Variants in MCC observed in about 807,000 individuals in gnomAD.
MCC encodes the protein MCC regulator of Wnt signaling pathway, also known as colorectal mutant cancer protein.
Under a neutral mutation model 116.2 loss-of-function variants are expected in MCC, and 90 were observed. The ratio of observed to expected loss-of-function variants is 0.77; its 90% CI spans 0.65 to 0.92. The LOEUF is 0.92. Ranked by LOEUF, MCC falls within the 40% of genes least tolerant of loss-of-function variation. The pLI is 0.00. For missense variants in MCC, 1,516 were observed against 1,312.2 expected (o/e 1.16, Z -2.40); for synonymous variants, 578 against 510.5 (o/e 1.13, Z -1.78).
chr5:113,067,571 G>C, intron 13 of MCC, among the ~76,000 whole-genome samples: 1 of 152,206 alleles, frequency 6.6e-6, no homozygotes, highest in East Asian at 1.9e-4. Flanking sequence ...AGGAGGTGGA[G>C]GTTGCAGTGA....
At chr5:113,340,752 A>C in intron 2 of MCC, 22 bp from the exon 3 acceptor site, 2 of 1,604,974 alleles carry the variant, frequency 1.2e-6, no homozygotes, top group Non-Finnish European at 8.5e-7. Context: ...AGAAGCAGAG[A>C]AAATGAAAAG....
At chr5:113,311,878 C>T (rs564584837) in intron 3 of MCC, among the ~76,000 whole-genome samples, 1 of 152,162 alleles carries the variant, frequency 6.6e-6, no homozygotes, top group East Asian at 1.9e-4. Context: ...GAGGCTGAGG[C>T]GGGCAGATCA....
chr5:113,364,250 A>C (rs1377044640), intron 2 of MCC, among the ~76,000 whole-genome samples: 10 of 128,998 alleles, frequency 7.8e-5, no homozygotes, highest in Admixed American at 1.4e-4. Context: ...AAAAAAAAAA[A>C]AAAAAAAAAA....
intron 3 of MCC, among the ~76,000 whole-genome samples, chr5:113,222,575 A>G (rs1210565037): frequency 6.6e-6 from 1 of 152,208 alleles, no homozygotes; most frequent in Admixed American, 6.5e-5. Flanking sequence ...ACTACAACTC[A>G]TTTGTCAGAT....
At chr5:113,247,894 G>A (rs1159800318) in intron 3 of MCC, among the ~76,000 whole-genome samples, 1 of 152,118 alleles carries the variant, frequency 6.6e-6, no homozygotes, top group African/African-American at 2.4e-5. Context: ...TTACAAGTCA[G>A]ATGCTGAACT....
chr5:113,327,561 A>AATATATATAT (rs869214073), intron 3 of MCC, among the ~76,000 whole-genome samples: 10 of 80,566 alleles, frequency 1.2e-4, no homozygotes, highest in African/African-American at 3.0e-4. Context: ...AAAAAAAAAA[A>AATATATATAT]ATATATATAT....
At chr5:113,366,029 A>G (rs1262711025) in intron 2 of MCC, among the ~76,000 whole-genome samples, 1 of 152,092 alleles carries the variant, frequency 6.6e-6, no homozygotes, top group Non-Finnish European at 1.5e-5. Context: ...GATCCAAACC[A>G]TATCACCTCT....
chr5:113,278,821 G>A (rs11748465), intron 3 of MCC, among the ~76,000 whole-genome samples: 19,641 of 152,170 alleles, frequency 0.13, 2,076 homozygotes, highest in Admixed American at 0.26. Flanking sequence ...CTTTCAAAGT[G>A]CTTAGCACAG....
At chr5:113,205,780 T>A (rs1021137741) in intron 3 of MCC, among the ~76,000 whole-genome samples, 11 of 152,224 alleles carry the variant, frequency 7.2e-5, no homozygotes, top group South Asian at 4.1e-4. Flanking sequence ...AGCGAAACCA[T>A]GAGGGGTGGC....
intron 2 of MCC, among the ~76,000 whole-genome samples, chr5:113,358,204 T>C (rs2150384306): frequency 6.6e-6 from 1 of 152,330 alleles, no homozygotes; most frequent in African/African-American, 2.4e-5. Context: ...GAGTATGGAA[T>C]ATTCCATTAG....
intron 11 of MCC, among the ~76,000 whole-genome samples, chr5:113,075,176 C>G (rs1754341286): frequency 6.6e-6 from 1 of 152,224 alleles, no homozygotes; most frequent in Non-Finnish European, 1.5e-5. Context: ...GGCTTAGCAC[C>G]CGGGCCAGCA....
intron 6 of MCC, among the ~76,000 whole-genome samples, chr5:113,110,729 A>C (rs1364686346): frequency 1.3e-5 from 2 of 152,220 alleles, no homozygotes; most frequent in Admixed American, 1.3e-4. Context: ...TGGCCAGCAG[A>C]TGCAAACCAG....
intron 3 of MCC, among the ~76,000 whole-genome samples, chr5:113,202,171 GA>G (rs1288901366): frequency 1.8e-4 from 27 of 151,700 alleles, no homozygotes; most frequent in Admixed American, 1.8e-3. Context: ...ACTTCTGAAT[GA>G]ATTGTGATTA....
chr5:113,028,959 C>G lies in MCC; in HGVS notation c.2854G>C (p.Val952Leu). Residue 952 changes from valine (V) to leucine (L), a missense_variant, in exon 18 of 19, where the codon GTG becomes CTG. Transcript: ENST00000408903. Reference protein sequence around the residue: ...EIRHQQSAEFVNDLKRANSNL... With the variant: ...EIRHQQSAEFLNDLKRANSNL... ...CTGTTGGCCCGCTTTAGATCATTCACGAACTCTGCAGATTGCTGATGTCGG... is the reference window on the plus strand; with the variant it reads ...CTGTTGGCCCGCTTTAGATCATTCAGGAACTCTGCAGATTGCTGATGTCGG... 1 of 1,614,006 alleles carries G rather than the reference C, an allele frequency of 6.2e-7. No homozygotes were observed. Among genetic ancestry groups the G allele is most frequent in the Non-Finnish European group, 8.5e-7 (1 of 1,179,924 alleles).
chr5:113,418,883 C>T (rs191073927), intron 1 of MCC, among the ~76,000 whole-genome samples: 31 of 152,300 alleles, frequency 2.0e-4, no homozygotes, highest in African/African-American at 7.0e-4. Context: ...CATCAAGCAG[C>T]ACCGCATCAC....
At chr5:113,333,822 T>TATATGTAC (rs1285055961) in intron 3 of MCC, among the ~76,000 whole-genome samples, 11,911 of 80,976 alleles carry the variant, frequency 0.15, 2,082 homozygotes, top group Non-Finnish European at 0.19. Context: ...TATATGTACA[T>TATATGTAC]ATATGTATAT....
chr5:113,459,383 A>C (rs1280869252), intron 1 of MCC, among the ~76,000 whole-genome samples: 2 of 151,704 alleles, frequency 1.3e-5, no homozygotes, highest in Non-Finnish European at 2.9e-5. Flanking sequence ...TAAAAATACA[A>C]AAAAATTGGC....
chr5:113,284,244 G>A (rs1766160740), intron 3 of MCC, among the ~76,000 whole-genome samples: 1 of 152,192 alleles, frequency 6.6e-6, no homozygotes, highest in Admixed American at 6.5e-5. Flanking sequence ...CAGCTACTTG[G>A]GAGGCTGAGG....
chr5:113,034,041 C>T (rs1751150038), intron 17 of MCC, among the ~76,000 whole-genome samples: 1 of 151,536 alleles, frequency 6.6e-6, no homozygotes, highest in African/African-American at 2.4e-5. Flanking sequence ...TGTGTGCCAC[C>T]ATGCTGGGCT....
Sources: allele counts gnomAD v4.1 joint callset (sites outside exome capture counted in the v4.1 genomes callset), GRCh38; gene constraint gnomAD v4.1.1; transcripts MANE v1.5; gene names NCBI Gene and HGNC (gene_info 2026-07-23, HGNC 2026-07-21).